The following ZNF248 variants were observed in gnomAD, a reference collection of about 807,000 sequenced individuals.
ZNF248 encodes the protein zinc finger protein 248, also known as KRAB protein domain.
In ZNF248, 20 loss-of-function variants were observed where a neutral mutation model predicts 44.3. That is an observed-to-expected ratio of 0.45 (90% CI 0.32 to 0.66). The LOEUF (loss-of-function observed/expected upper bound fraction) is 0.66, where lower values mean the gene tolerates loss of function less well. Among genes scored for constraint, ZNF248 ranks in the 30% least tolerant of loss-of-function variants. ZNF248 has a pLI of 0.04. For synonymous variants in ZNF248, 224 were observed against 229.0 expected (o/e 0.98, Z 0.20); for missense variants, 654 against 677.0 (o/e 0.97, Z 0.38).
intron 6 of ZNF248, among the ~76,000 whole-genome samples, chr10:37,793,075 T>C (rs1314651836): frequency 6.6e-6 from 1 of 152,188 alleles, no homozygotes; most frequent in Non-Finnish European, 1.5e-5. Flanking sequence ...GGCTCACACC[T>C]GTAATCCCAG....
At chr10:37,835,072 A>G (rs1339541348) in intron 5 of ZNF248, among the ~76,000 whole-genome samples, 1 of 152,186 alleles carries the variant, frequency 6.6e-6, no homozygotes, top group African/African-American at 2.4e-5. Context: ...ATTAATAAGC[A>G]GCAACTTTAG....
At chr10:37,764,104 C>A in the ZNF248 span, among the ~76,000 whole-genome samples, 1 of 152,222 alleles carries the variant, frequency 6.6e-6, no homozygotes, top group Non-Finnish European at 1.5e-5. Flanking sequence ...AGCCATATTT[C>A]TCTTCTTTCA....
rs572953353 is a variant in ZNF248, at chr10:37,832,717, G to C, written c.638C>G (p.Ser213Cys). 7.9e-5 allele frequency: 127 copies of C among 1,613,568 alleles called. 3 individuals carry two copies. The South Asian group carries it at 1.3e-3, about 16-fold the overall frequency. The change falls in exon 6 of 6, where the codon TCT becomes TGT. Residue 213 changes from serine (S) to cysteine (C), a missense_variant. Ser to Cys is a moderately radical substitution (Grantham distance 112, BLOSUM62 -1). Coordinates refer to ENST00000395867, the MANE Select transcript of ZNF248 (RefSeq NM_021045.3). ...TTGTCCATTTTTACTATACTCAAAA[G>C]ATTGGCCAAAACTTGGCTGACTGAG... Reference protein sequence around the residue: ...QDLSQPSFGQSFEYSKNGQGF... With the variant: ...QDLSQPSFGQCFEYSKNGQGF...
intron 3 of ZNF248, among the ~76,000 whole-genome samples, chr10:37,849,244 A>C (rs2059817655): frequency 6.6e-6 from 1 of 152,082 alleles, no homozygotes; most frequent in Non-Finnish European, 1.5e-5. Flanking sequence ...GCAGTCAGCT[A>C]TGACTACTGA....
At chr10:37,840,184 TTA>T (rs2058082226) in intron 3 of ZNF248, among the ~76,000 whole-genome samples, 1 of 152,118 alleles carries the variant, frequency 6.6e-6, no homozygotes, top group African/African-American at 2.4e-5. Flanking sequence ...AGAGAGAAAT[TTA>T]TAACATCAAA....
the ZNF248 span, among the ~76,000 whole-genome samples, chr10:37,771,158 T>C: frequency 6.6e-6 from 1 of 152,204 alleles, no homozygotes; most frequent in Non-Finnish European, 1.5e-5. Context: ...ATAGGAACAC[T>C]TTTACACTGT....
chr10:37,800,117 A>G (rs936307596), intron 6 of ZNF248, among the ~76,000 whole-genome samples: 1 of 148,962 alleles, frequency 6.7e-6, no homozygotes, highest in Non-Finnish European at 1.5e-5. Flanking sequence ...TTGAAAATTT[A>G]AAAAACTTTT....
Position 37,829,230 on chromosome 10 carries a change from G to A in ZNF248, c.*2385C>T. On this transcript the variant is annotated 3_prime_UTR_variant, in exon 6 of 6. Transcript: ENST00000395867. ...TCCTTCATGACAGCAGTTCTTACTG[G>A]GCTCTGGTAACACTGTTTCCCTCCT... 1.0e-6 allele frequency: 1 copy of A among 985,376 alleles called. No homozygotes were observed. The highest frequency in any genetic ancestry group is 1.2e-6 in the Non-Finnish European group (1 of 829,950). The allele number at this position is 985,376 out of a possible 1,614,324, so 61.0% of individuals were successfully genotyped here. A position where few individuals can be genotyped will look rare whatever the true frequency, so the allele number is the denominator to read the frequency against.
rs1564701506 is a variant in ZNF248 at position 37,856,470 on chromosome 10, G to A, written c.-63C>T. On this transcript the variant is annotated 5_prime_UTR_variant, in exon 2 of 6. Coordinates refer to ENST00000395867, the MANE Select transcript of ZNF248 (RefSeq NM_021045.3). ...GTGGCTCCGATATATGCTGAGCTCA[G>A]ACATGACACTTTTCACTGAGTGAAT... The A allele has an allele frequency of 7.6e-7, 1 of 1,316,194 alleles. No homozygotes were observed. The highest frequency in any genetic ancestry group is 9.7e-7 in the Non-Finnish European group (1 of 1,028,450). 81.5% of individuals were successfully genotyped at this position (1,316,194 alleles called of 1,614,324 possible). A position where few individuals can be genotyped will look rare whatever the true frequency, so the allele number is the denominator to read the frequency against.
downstream of ZNF248, among the ~76,000 whole-genome samples, chr10:37,775,883 C>A (rs1303835172): frequency 6.6e-6 from 1 of 152,164 alleles, no homozygotes; most frequent in Non-Finnish European, 1.5e-5. Context: ...GCAACAGAAC[C>A]TGGCAGGTGA....
intron 5 of ZNF248, among the ~76,000 whole-genome samples, chr10:37,834,348 G>A (rs1412855401): frequency 6.6e-6 from 1 of 152,072 alleles, no homozygotes; most frequent in African/African-American, 2.4e-5. Context: ...TAATGTAACT[G>A]TACATTATTC....
chr10:37,823,762 G>A (rs2053891689), intron 6 of ZNF248, among the ~76,000 whole-genome samples: 1 of 151,812 alleles, frequency 6.6e-6, no homozygotes, highest in African/African-American at 2.4e-5. Context: ...TTAGTAGAGA[G>A]AAGGTTTCAC....
intron 6 of ZNF248, among the ~76,000 whole-genome samples, chr10:37,805,026 T>C (rs1005645695): frequency 3.3e-4 from 51 of 152,320 alleles, no homozygotes; most frequent in African/African-American, 1.2e-3. Context: ...AGTTACTAAG[T>C]TGTATTAGGC....
chr10:37,801,371 G>A (rs778997946), intron 6 of ZNF248, among the ~76,000 whole-genome samples: 42 of 150,792 alleles, frequency 2.8e-4, no homozygotes, highest in African/African-American at 3.4e-4. Flanking sequence ...GCAAGACTCC[G>A]TCTCAAAAAA....
chr10:37,813,123 T>A (rs942308266), intron 6 of ZNF248, among the ~76,000 whole-genome samples: 4 of 151,654 alleles, frequency 2.6e-5, no homozygotes, highest in Non-Finnish European at 5.9e-5. Flanking sequence ...AACAGAGGAA[T>A]TAACAGATGA....
downstream of ZNF248, chr10:37,776,236 C>T (rs768627919): frequency 3.9e-5 from 8 of 207,548 alleles, no homozygotes; most frequent in Non-Finnish European, 6.7e-5. Flanking sequence ...CCCACACCAA[C>T]CCTCCAAGAT....
At chr10:37,770,231 T>C in the ZNF248 span, among the ~76,000 whole-genome samples, 1 of 152,180 alleles carries the variant, frequency 6.6e-6, no homozygotes, top group Non-Finnish European at 1.5e-5. Flanking sequence ...GCCATCCCCA[T>C]CAAGCTACCA....
intron 6 of ZNF248, chr10:37,820,305 T>C (rs893589968): frequency 2.9e-6 from 4 of 1,396,272 alleles, no homozygotes; most frequent in South Asian, 1.2e-5. Flanking sequence ...GGGACTGTTT[T>C]GCTGAGCTGA....
chr10:37,834,814 G>A (rs749301654), intron 5 of ZNF248, among the ~76,000 whole-genome samples: 6 of 152,238 alleles, frequency 3.9e-5, no homozygotes, highest in African/African-American at 7.2e-5. Flanking sequence ...AAACAAGAAC[G>A]GAAGTTTTCC....
Sources: allele counts gnomAD v4.1 joint callset (sites outside exome capture counted in the v4.1 genomes callset), GRCh38; gene constraint gnomAD v4.1.1; transcripts MANE v1.5; gene names NCBI Gene and HGNC (gene_info 2026-07-23, HGNC 2026-07-21).